Variants in GLIS3 observed in about 807,000 individuals in gnomAD.
The protein encoded by GLIS3 is zinc finger protein GLIS3.
GLIS3 carries 53 observed loss-of-function variants against 78.6 expected under a neutral mutation model. The ratio of observed to expected loss-of-function variants is 0.67; its 90% CI spans 0.54 to 0.85. The LOEUF is 0.85. Among genes scored for constraint, GLIS3 ranks in the 40% least tolerant of loss-of-function variants. The probability of loss-of-function intolerance (pLI) is 0.00; values close to 1 mark genes in which losing one functional copy is unlikely to be tolerated. For synonymous variants in GLIS3, 684 were observed against 509.9 expected (o/e 1.34, Z -4.60); for missense variants, 1,703 against 1,231.1 (o/e 1.38, Z -5.74).
intron 4 of GLIS3, among the ~76,000 whole-genome samples, chr9:4,083,057 AC>A (rs1404097561): frequency 6.6e-6 from 1 of 152,186 alleles, no homozygotes; most frequent in African/African-American, 2.4e-5. Context: ...TTATCCACAA[AC>A]CCTTTTCTCT....
At chr9:3,924,793 T>G (rs1167761360) in intron 6 of GLIS3, among the ~76,000 whole-genome samples, 2 of 152,102 alleles carry the variant, frequency 1.3e-5, no homozygotes, top group African/African-American at 4.8e-5. Flanking sequence ...TTTAGGACAC[T>G]ATATTTAGGT....
intron 7 of GLIS3, 90 bp from the exon 8 acceptor site, chr9:3,879,685 G>A (rs1470021745): frequency 2.1e-6 from 3 of 1,400,910 alleles, no homozygotes; most frequent in African/African-American, 2.9e-5. Flanking sequence ...GCATATTTGA[G>A]GGGCTTGCTT....
In GLIS3 at chr9:4,087,509, C is replaced by G. The variant is rs371814874; in HGVS notation, c.1710+30259G>C. Reference sequence around the variant, plus strand: ...AGGCCTCCCTCCTCCAGTGAAAATACCCCAACTAGAGTCTTTAGTGCCAGG... The same window carrying G: ...AGGCCTCCCTCCTCCAGTGAAAATAGCCCAACTAGAGTCTTTAGTGCCAGG... On this transcript the variant is annotated intron_variant, in intron 4 of 10. Transcript: ENST00000381971. 5.9e-5 allele frequency among the ~76,000 whole-genome samples: 9 copies of G among 152,270 alleles called. No individual in the cohort carries two copies. In the East Asian group the frequency reaches 1.2e-3, roughly 20 times the overall value.
rs574534035 is a variant in GLIS3, at chr9:3,849,908, C to CAAA, written c.2473+6098_2473+6100dup. 2.6e-4 allele frequency among the ~76,000 whole-genome samples: 36 copies of CAAA among 138,584 alleles called. 1 individual carries two copies. Among genetic ancestry groups the CAAA allele is most frequent in the African/African-American group, 9.5e-4 (36 of 37,784 alleles). The allele number at this position is 138,584 out of a possible 152,430, so 90.9% of individuals were successfully genotyped here. A position where few individuals can be genotyped will look rare whatever the true frequency, so the allele number is the denominator to read the frequency against. ...TGGGTGACAGAGTGAGACTCCATCT[C>CAAA]AAAAAAAAAAAAGACATCTTGTCAT... On this transcript the variant is annotated intron_variant, in intron 9 of 10. Coordinates refer to ENST00000381971, the MANE Select transcript of GLIS3 (RefSeq NM_001042413.2).
intron 2 of GLIS3, among the ~76,000 whole-genome samples, chr9:4,316,294 C>G (rs1355193720): frequency 6.6e-6 from 1 of 152,240 alleles, no homozygotes. Context: ...TTCACAGATT[C>G]TCCCATAAGG....
intron 2 of GLIS3, among the ~76,000 whole-genome samples, chr9:4,252,710 A>T (rs145212232): frequency 6.6e-6 from 1 of 152,094 alleles, no homozygotes; most frequent in Non-Finnish European, 1.5e-5. Context: ...TGGAATTTTC[A>T]GCCTTTTTGT....
At chr9:4,219,790 C>T (rs377573991) in intron 2 of GLIS3, among the ~76,000 whole-genome samples, 7 of 152,166 alleles carry the variant, frequency 4.6e-5, no homozygotes, top group East Asian at 3.9e-4. Flanking sequence ...AGCAGGTCCA[C>T]GCAGAGCAAA....
intron 6 of GLIS3, among the ~76,000 whole-genome samples, chr9:3,920,279 A>G (rs1824797066): frequency 6.6e-6 from 1 of 152,194 alleles, no homozygotes; most frequent in Admixed American, 6.5e-5. Context: ...CTGGGATTAC[A>G]GGCATGAGCC....
At chr9:4,242,542 C>G (rs1292308696) in intron 2 of GLIS3, among the ~76,000 whole-genome samples, 3 of 152,110 alleles carry the variant, frequency 2.0e-5, no homozygotes, top group Non-Finnish European at 4.4e-5. Context: ...ATGGAACCAC[C>G]CTGGCTGAGG....
intron 2 of GLIS3, among the ~76,000 whole-genome samples, chr9:4,281,777 G>A (rs10119541): frequency 0.053 from 8,014 of 152,218 alleles, 335 homozygotes; most frequent in African/African-American, 0.1. Flanking sequence ...TCAAAGATAT[G>A]ATGTCACCAA....
chr9:4,385,109 C>T, the GLIS3 span, among the ~76,000 whole-genome samples: 2 of 152,212 alleles, frequency 1.3e-5, no homozygotes, highest in Admixed American at 6.5e-5. Context: ...AAATCTAACA[C>T]TCCTCAGAAC....
chr9:4,004,297 T>C (rs1821362907), intron 4 of GLIS3, among the ~76,000 whole-genome samples: 1 of 152,174 alleles, frequency 6.6e-6, no homozygotes, highest in African/African-American at 2.4e-5. Context: ...TGATATTTGG[T>C]AGGTCAATAG....
chr9:4,070,217 C>A (rs1473524874), intron 4 of GLIS3, among the ~76,000 whole-genome samples: 4 of 152,106 alleles, frequency 2.6e-5, no homozygotes, highest in Non-Finnish European at 5.9e-5. Context: ...TAGTTCACCC[C>A]CTCCTTATCA....
intron 2 of GLIS3, among the ~76,000 whole-genome samples, chr9:4,336,333 G>A (rs1817756948): frequency 6.6e-6 from 1 of 152,140 alleles, no homozygotes; most frequent in Non-Finnish European, 1.5e-5. Context: ...CTAAGCCCCT[G>A]GTGCTGCTGT....
At chr9:4,094,234 C>T (rs1014280982) in intron 4 of GLIS3, among the ~76,000 whole-genome samples, 1 of 152,198 alleles carries the variant, frequency 6.6e-6, no homozygotes, top group Non-Finnish European at 1.5e-5. Context: ...AGAAGACAAA[C>T]ATTTCTTACC....
chr9:4,266,875 G>A (rs138500314), intron 2 of GLIS3, among the ~76,000 whole-genome samples: 1 of 152,134 alleles, frequency 6.6e-6, no homozygotes, highest in East Asian at 1.9e-4. Flanking sequence ...ATAACATTTG[G>A]CAACTCTCAG....
At chr9:4,201,019 G>T (rs1385874017) in intron 2 of GLIS3, among the ~76,000 whole-genome samples, 1 of 151,728 alleles carries the variant, frequency 6.6e-6, no homozygotes, top group African/African-American at 2.4e-5. Context: ...TGGGATGCAA[G>T]ATTGGTTCAT....
chr9:4,168,787 G>C (rs1049315124), intron 2 of GLIS3, among the ~76,000 whole-genome samples: 1 of 152,100 alleles, frequency 6.6e-6, no homozygotes, highest in Non-Finnish European at 1.5e-5. Flanking sequence ...AGGCCACATT[G>C]GGATGCCTAT....
the GLIS3 span, among the ~76,000 whole-genome samples, chr9:4,379,169 G>A: frequency 6.6e-6 from 1 of 152,140 alleles, no homozygotes; most frequent in African/African-American, 2.4e-5. Context: ...TACCATTTCT[G>A]TACATAAGGC....
Sources: allele counts gnomAD v4.1 joint callset (sites outside exome capture counted in the v4.1 genomes callset), GRCh38; gene constraint gnomAD v4.1.1; transcripts MANE v1.5; gene names NCBI Gene and HGNC (gene_info 2026-07-23, HGNC 2026-07-21).